The following RBFOX1 variants were observed in gnomAD, a reference collection of about 807,000 sequenced individuals.
RBFOX1 encodes RNA binding protein fox-1 homolog 1.
RBFOX1 carries 8 observed loss-of-function variants against 57.7 expected under a neutral mutation model. That is an observed-to-expected ratio of 0.14 (90% CI 0.08 to 0.25). RBFOX1 has a LOEUF of 0.25. Ranked by LOEUF, RBFOX1 falls within the 10% of genes least tolerant of loss-of-function variation. The probability of loss-of-function intolerance (pLI) is 1.00; values close to 1 mark genes in which losing one functional copy is unlikely to be tolerated. For synonymous variants in RBFOX1, 326 were observed against 222.4 expected, an observed-to-expected ratio of 1.47 and a Z score of -4.15; for missense variants, 611 against 548.5, an observed-to-expected ratio of 1.11 and a Z score of -1.14.
intron 3 of RBFOX1, among the ~76,000 whole-genome samples, chr16:5,762,694 A>G (rs770946635): frequency 3.3e-5 from 5 of 152,298 alleles, no homozygotes; most frequent in African/African-American, 4.8e-5. Flanking sequence ...AATAACGGGG[A>G]AAAAAATCAA....
At chr16:7,462,715 C>T (rs1567299497) in intron 4 of RBFOX1, among the ~76,000 whole-genome samples, 1 of 152,240 alleles carries the variant, frequency 6.6e-6, no homozygotes, top group Non-Finnish European at 1.5e-5. Context: ...AGTGGTGAGA[C>T]TGAGGCCCTC....
chr16:5,330,367 C>T (rs1205201597), intron 1 of RBFOX1, among the ~76,000 whole-genome samples: 1 of 152,024 alleles, frequency 6.6e-6, no homozygotes, highest in African/African-American at 2.4e-5. Flanking sequence ...TCCCCTCTTG[C>T]TTTTTAAGAT....
At chr16:6,303,876 ATC>A (rs2079129630) in intron 1 of RBFOX1, among the ~76,000 whole-genome samples, 1 of 129,600 alleles carries the variant, frequency 7.7e-6, no homozygotes, top group Admixed American at 1.0e-4. Flanking sequence ...CAATGGCGCT[ATC>A]TCAGCTCACT....
intron 4 of RBFOX1, among the ~76,000 whole-genome samples, chr16:7,201,667 T>C (rs1028270922): frequency 3.3e-5 from 5 of 152,090 alleles, no homozygotes; most frequent in African/African-American, 1.2e-4. Flanking sequence ...TTTCACCTTG[T>C]TGGCTAGGCT....
At chr16:5,881,858 A>C (rs952078548) in intron 4 of RBFOX1, among the ~76,000 whole-genome samples, 2 of 152,204 alleles carry the variant, frequency 1.3e-5, no homozygotes, top group African/African-American at 4.8e-5. Flanking sequence ...AATACTTACT[A>C]TGCACCAGGC....
intron 4 of RBFOX1, among the ~76,000 whole-genome samples, chr16:7,080,775 A>G (rs138098645): frequency 2.3e-4 from 35 of 152,300 alleles, no homozygotes; most frequent in African/African-American, 7.5e-4. Flanking sequence ...AGGTATCATC[A>G]TCATTCATTG....
At chr16:6,513,839 A>G (rs979516421) in intron 2 of RBFOX1, among the ~76,000 whole-genome samples, 1 of 152,116 alleles carries the variant, frequency 6.6e-6, no homozygotes, top group East Asian at 1.9e-4. Flanking sequence ...GAGAGGGTGG[A>G]GTGTTCTCAT....
chr16:6,521,556 C>T (rs145742939), intron 2 of RBFOX1, among the ~76,000 whole-genome samples: 131 of 148,084 alleles, frequency 8.8e-4, no homozygotes, highest in African/African-American at 3.2e-3. Flanking sequence ...CTCCTTCCCT[C>T]GCTCTCTTTG....
intron 3 of RBFOX1, among the ~76,000 whole-genome samples, chr16:5,680,941 C>G (rs2050312880): frequency 6.6e-6 from 1 of 151,622 alleles, no homozygotes; most frequent in Non-Finnish European, 1.5e-5. Context: ...GGTGCAGCAG[C>G]TATAAAATTA....
At chr16:7,437,076 G>A (rs1222793713) in intron 4 of RBFOX1, among the ~76,000 whole-genome samples, 1 of 152,076 alleles carries the variant, frequency 6.6e-6, no homozygotes, top group Non-Finnish European at 1.5e-5. Flanking sequence ...GCGAGACTCT[G>A]TCTCAAAAAA....
At chr16:6,107,080 C>T (rs565601710) in intron 1 of RBFOX1, among the ~76,000 whole-genome samples, 16 of 152,324 alleles carry the variant, frequency 1.1e-4, no homozygotes, top group African/African-American at 3.4e-4. Flanking sequence ...TTTTACCTGC[C>T]TCCTCTTATG....
Position 6,778,595 on chromosome 16 carries a change from A to C in RBFOX1, c.-16+123945A>C, listed in dbSNP as rs569742140. Among the ~76,000 whole-genome samples the C allele has an allele frequency of 2.2e-4, 33 of 152,242 alleles. 2 individuals carry two copies. The South Asian group carries it at 6.0e-3, about 28-fold the overall frequency. On this transcript the variant is annotated intron_variant, in intron 3 of 15. Coordinates refer to ENST00000550418, the MANE Select transcript of RBFOX1 (RefSeq NM_018723.4). ...ATAAAGTTTCCTTGAACTGAAATCC[A>C]AACGAGGACTATAGAATGCAATTAG...
rs536886725 is a variant in RBFOX1, at chr16:7,139,101, G to A, written c.27+87003G>A. Among the ~76,000 whole-genome samples the A allele has an allele frequency of 9.2e-5, 14 of 151,816 alleles. No individual in the cohort carries two copies. The South Asian group carries it at 2.7e-3, about 29-fold the overall frequency. On this transcript the variant is annotated intron_variant, in intron 4 of 15. Transcript: ENST00000550418. ...TTACAGGCATGAGCCACCATGCATGGTCAACTTACAGATTTTGATATTCTT... is the reference window on the plus strand; with the variant it reads ...TTACAGGCATGAGCCACCATGCATGATCAACTTACAGATTTTGATATTCTT...
chr16:6,605,925 C>T (rs1026555742), intron 2 of RBFOX1, among the ~76,000 whole-genome samples: 22 of 151,960 alleles, frequency 1.4e-4, no homozygotes, highest in Admixed American at 2.6e-4. Flanking sequence ...CATGGTGAAA[C>T]CTCGTCTCTA....
intron 1 of RBFOX1, among the ~76,000 whole-genome samples, chr16:6,185,041 A>C (rs1215683068): frequency 6.6e-6 from 1 of 152,172 alleles, no homozygotes; most frequent in Non-Finnish European, 1.5e-5. Flanking sequence ...GAGAGATGTC[A>C]AGGAGACAGC....
At chr16:5,395,316 G>C (rs370896815) in intron 1 of RBFOX1, among the ~76,000 whole-genome samples, 8 of 152,244 alleles carry the variant, frequency 5.3e-5, no homozygotes, top group Non-Finnish European at 8.8e-5. Flanking sequence ...ACATTCTTCT[G>C]TTAGATTCTT....
chr16:7,030,529 A>G (rs927921870), intron 3 of RBFOX1, among the ~76,000 whole-genome samples: 3 of 152,084 alleles, frequency 2.0e-5, no homozygotes, highest in African/African-American at 7.2e-5. Flanking sequence ...GTTTGTGGCC[A>G]CATCACTCTA....
chr16:7,053,490 C>T (rs1013293857), intron 4 of RBFOX1, among the ~76,000 whole-genome samples: 3 of 152,152 alleles, frequency 2.0e-5, no homozygotes, highest in South Asian at 2.1e-4. Context: ...ATGGTCAGAA[C>T]TAGGTCAGAG....
intron 2 of RBFOX1, among the ~76,000 whole-genome samples, chr16:6,452,897 C>T (rs1333328055): frequency 6.6e-6 from 1 of 152,192 alleles, no homozygotes; most frequent in Non-Finnish European, 1.5e-5. Flanking sequence ...AAGCCCTTAG[C>T]ACACAGCTTT....
Sources: gnomAD v4.1 joint callset for allele counts (sites outside exome capture counted in the v4.1 genomes callset) on GRCh38, gnomAD v4.1.1 for gene constraint, MANE v1.5 for transcripts, NCBI Gene and HGNC (gene_info 2026-07-23, HGNC 2026-07-21) for gene names.